Variants in MDGA2 observed in about 807,000 individuals in gnomAD.
The protein encoded by MDGA2 is MAM domain-containing glycosylphosphatidylinositol anchor protein 2.
MDGA2 carries 40 observed loss-of-function variants against 117.8 expected under a neutral mutation model. That is an observed-to-expected ratio of 0.34 (90% CI 0.26 to 0.44). The LOEUF (loss-of-function observed/expected upper bound fraction) is 0.44, where lower values mean the gene tolerates loss of function less well. MDGA2 is among the 20% of genes least tolerant of loss of function. MDGA2 has a pLI of 1.00. For synonymous variants in MDGA2, 452 were observed against 439.0 expected (o/e 1.03, Z -0.37); for missense variants, 1,123 against 1,250.6 (o/e 0.90, Z 1.54).
chr14:47,647,144 G>A (rs991817795), intron 1 of MDGA2, among the ~76,000 whole-genome samples: 22 of 152,028 alleles, frequency 1.4e-4, no homozygotes, highest in African/African-American at 4.8e-4. Context: ...TGCCAAATAC[G>A]TGTCATGCAG....
intron 2 of MDGA2, among the ~76,000 whole-genome samples, chr14:47,274,361 A>G (rs1419096252): frequency 6.6e-6 from 1 of 152,010 alleles, no homozygotes; most frequent in African/African-American, 2.4e-5. Flanking sequence ...TACTTTCTTT[A>G]TTAGGATAAT....
chr14:46,996,596 A>G, intron 8 of MDGA2: 1 of 152,508 alleles, frequency 6.6e-6, no homozygotes, highest in Non-Finnish European at 1.5e-5. Context: ...TGGAATGCTG[A>G]GATTTCTCAA....
chr14:47,662,927 A>G (rs1304389862), intron 1 of MDGA2, among the ~76,000 whole-genome samples: 3 of 152,198 alleles, frequency 2.0e-5, no homozygotes, highest in Non-Finnish European at 1.5e-5. Flanking sequence ...AAATTAGTCA[A>G]AGGTTGAGCT....
chr14:47,404,465 C>T (rs759795999), intron 1 of MDGA2, among the ~76,000 whole-genome samples: 16 of 150,338 alleles, frequency 1.1e-4, no homozygotes, highest in African/African-American at 3.9e-4. Context: ...GGGTTATAGG[C>T]GTGAGCCACA....
intron 1 of MDGA2, among the ~76,000 whole-genome samples, chr14:47,321,093 G>A (rs2139875075): frequency 6.6e-6 from 1 of 152,292 alleles, no homozygotes; most frequent in South Asian, 2.1e-4. Flanking sequence ...ATATTTGAAG[G>A]TGAATGAAGG....
chr14:47,267,453 A>T (rs1888003851), intron 2 of MDGA2, among the ~76,000 whole-genome samples: 1 of 152,112 alleles, frequency 6.6e-6, no homozygotes, highest in African/African-American at 2.4e-5. Flanking sequence ...TTTTGTCCAT[A>T]TCCAATTTTT....
chr14:47,569,363 TGGCTTGCACCAGTGCATGGCATTAA>T (rs1324739088), intron 1 of MDGA2, among the ~76,000 whole-genome samples: 1 of 152,212 alleles, frequency 6.6e-6, no homozygotes, highest in East Asian at 1.9e-4. Context: ...TGAGTACTGC[TGGCTTGCACCAGTGCATGGCATTAA>T]CATGGCAACT....
intron 2 of MDGA2, among the ~76,000 whole-genome samples, chr14:47,244,470 T>A (rs1205951781): frequency 1.3e-5 from 2 of 151,790 alleles, no homozygotes. Flanking sequence ...TAACATATTT[T>A]TTTGGCCACG....
chr14:47,107,492 C>G (rs1480336917), intron 5 of MDGA2, among the ~76,000 whole-genome samples: 1 of 150,216 alleles, frequency 6.7e-6, no homozygotes, highest in Non-Finnish European at 1.5e-5. Context: ...TTCGCTTTCC[C>G]TTGGACTGAC....
rs1260851132 is a variant in MDGA2 at position 47,072,112 on chromosome 14, G to GT, written c.1196-10535_1196-10534insA. 1.0e-4 allele frequency among the ~76,000 whole-genome samples: 11 copies of GT among 107,048 alleles called. 2 individuals are homozygous for GT. Among genetic ancestry groups the GT allele is most frequent in the South Asian group, 3.3e-4 (1 of 3,032 alleles). 70.2% of individuals were successfully genotyped at this position (107,048 alleles called of 152,430 possible). A position where few individuals can be genotyped will look rare whatever the true frequency, so the allele number is the denominator to read the frequency against. On this transcript the variant is annotated intron_variant, in intron 6 of 16. Transcript: ENST00000399232. The stretch of plus-strand genomic sequence containing the variant: ...TGGTTGTTGTTGTTTGGGGGGGGGG[G>GT]GGTTTGCAGGTATTATATGTTGCAG...
chr14:47,665,398 A>G (rs1402459976), intron 1 of MDGA2, among the ~76,000 whole-genome samples: 1 of 152,044 alleles, frequency 6.6e-6, no homozygotes, highest in Non-Finnish European at 1.5e-5. Flanking sequence ...AGCCCTCACA[A>G]CCCTCGCTTA....
intron 14 of MDGA2, among the ~76,000 whole-genome samples, chr14:46,861,822 T>C (rs1253413266): frequency 6.6e-6 from 1 of 151,996 alleles, no homozygotes; most frequent in African/African-American, 2.4e-5. Flanking sequence ...AGGAAGTTTC[T>C]AGTTCTTAAG....
intron 1 of MDGA2, among the ~76,000 whole-genome samples, chr14:47,653,196 C>T (rs999230380): frequency 1.3e-5 from 2 of 152,022 alleles, no homozygotes; most frequent in Admixed American, 1.3e-4. Flanking sequence ...TTCTATGGAA[C>T]ACAAAAAACT....
At chr14:46,980,720 G>C (rs1468722122) in intron 8 of MDGA2, among the ~76,000 whole-genome samples, 3 of 152,152 alleles carry the variant, frequency 2.0e-5, no homozygotes, top group Non-Finnish European at 4.4e-5. Flanking sequence ...ATCAAGGCAA[G>C]ACCCTCCACC....
intron 1 of MDGA2, among the ~76,000 whole-genome samples, chr14:47,406,188 A>G (rs1566771978): frequency 6.6e-6 from 1 of 152,152 alleles, no homozygotes; most frequent in Non-Finnish European, 1.5e-5. Flanking sequence ...ATTTTGGAAA[A>G]AAATTTGGAA....
rs575379718 is a variant in MDGA2 at position 47,665,404 on chromosome 14, G to A, written c.280+9113C>T. On this transcript the variant is annotated intron_variant, in intron 1 of 16. Transcript: ENST00000399232. Reference sequence around the variant, plus strand: ...TGTGCTGGCAGCCCTCACAACCCTCGCTTACTCTCTGTACCCATTCTGGCC... The same window carrying A: ...TGTGCTGGCAGCCCTCACAACCCTCACTTACTCTCTGTACCCATTCTGGCC... 5.9e-5 allele frequency among the ~76,000 whole-genome samples: 9 copies of A among 152,178 alleles called. No homozygotes were observed. The South Asian group carries it at 6.2e-4, about 11-fold the overall frequency.
chr14:47,265,222 A>C (rs1887926533), intron 2 of MDGA2, among the ~76,000 whole-genome samples: 1 of 152,140 alleles, frequency 6.6e-6, no homozygotes, highest in Non-Finnish European at 1.5e-5. Flanking sequence ...ATAATTTCAA[A>C]AGCATTTGTA....
chr14:46,992,219 T>A (rs1316763454), intron 8 of MDGA2, among the ~76,000 whole-genome samples: 1 of 152,080 alleles, frequency 6.6e-6, no homozygotes, highest in African/African-American at 2.4e-5. Context: ...AAGAAACGAG[T>A]GATAATAATC....
At chr14:47,390,939 C>G (rs982139706) in intron 1 of MDGA2, among the ~76,000 whole-genome samples, 2 of 152,134 alleles carry the variant, frequency 1.3e-5, no homozygotes, top group African/African-American at 4.8e-5. Flanking sequence ...GGTCTCTTTT[C>G]TATTTTTCCA....
Sources: gnomAD v4.1 joint callset for allele counts (sites outside exome capture counted in the v4.1 genomes callset) on GRCh38, gnomAD v4.1.1 for gene constraint, MANE v1.5 for transcripts, NCBI Gene and HGNC (gene_info 2026-07-23, HGNC 2026-07-21) for gene names.